Variants in OLFM3 observed in about 807,000 individuals in gnomAD.
The protein encoded by OLFM3 is noelin-3.
A neutral mutation model predicts 48.6 loss-of-function variants in OLFM3; 20 were observed. The ratio of observed to expected loss-of-function variants is 0.41; its 90% confidence interval spans 0.29 to 0.60. The LOEUF (loss-of-function observed/expected upper bound fraction) is 0.60. OLFM3 is among the 20% of genes least tolerant of loss of function. The probability of loss-of-function intolerance (pLI) is 0.28; values close to 1 mark genes in which losing one functional copy is unlikely to be tolerated. For missense variants in OLFM3, 437 were observed against 544.3 expected, an observed-to-expected ratio of 0.80 and a Z score of 1.96; for synonymous variants, 222 against 198.1, an observed-to-expected ratio of 1.12 and a Z score of -1.01.
intron 1 of OLFM3, among the ~76,000 whole-genome samples, chr1:101,969,826 C>T (rs989300990): frequency 2.0e-5 from 3 of 151,842 alleles, no homozygotes; most frequent in African/African-American, 7.3e-5. Context: ...ATAAGTGAGT[C>T]GGCACTATGA....
chr1:101,825,087 C>T lies in OLFM3; in HGVS notation c.531G>A (p.Glu177=), dbSNP rs1364852960. Residue 177 remains glutamate (E), a synonymous_variant, in exon 4 of 6, where the codon GAG becomes GAA. Coordinates refer to ENST00000370103, the MANE Select transcript of OLFM3 (RefSeq NM_058170.4). ...AGCTCAGCACTCTTTGGTGTAGTTC[C>T]TCGTAGTCATAGGCACCAATTTCCT... is the stretch of plus-strand genomic sequence containing the variant. ...IQEEIGAYDY[E]ELHQRVLSLE... 39 of 1,613,802 alleles carry T rather than the reference C, an allele frequency of 2.4e-5. No homozygotes were observed. Among genetic ancestry groups the T allele is most frequent in the Non-Finnish European group, 3.2e-5 (38 of 1,179,954 alleles).
intron 1 of OLFM3, among the ~76,000 whole-genome samples, chr1:101,960,117 G>A (rs1334346792): frequency 6.6e-6 from 1 of 152,094 alleles, no homozygotes; most frequent in Non-Finnish European, 1.5e-5. Context: ...CGGGGCTGGG[G>A]CAAAACCTAT....
At chr1:101,938,114 A>G (rs901702200) in intron 1 of OLFM3, among the ~76,000 whole-genome samples, 5 of 152,212 alleles carry the variant, frequency 3.3e-5, no homozygotes, top group African/African-American at 1.2e-4. Context: ...ATTGTAACTT[A>G]TTAACAAATT....
chr1:101,831,677 G>C (rs1025773617), intron 2 of OLFM3, among the ~76,000 whole-genome samples: 1 of 152,156 alleles, frequency 6.6e-6, no homozygotes, highest in African/African-American at 2.4e-5. Context: ...TATGCTGTTA[G>C]TACTCAAAGC....
intron 1 of OLFM3, among the ~76,000 whole-genome samples, chr1:101,856,268 C>T (rs890702899): frequency 3.3e-5 from 5 of 151,898 alleles, no homozygotes; most frequent in African/African-American, 9.7e-5. Context: ...CTGAAAGCAT[C>T]CTAAGAGTTA....
At position 101,830,627 on chromosome 1, in the gene OLFM3, T is replaced by C. The variant is rs963813885; in HGVS notation, c.372+45A>G. On this transcript the variant is annotated intron_variant, in intron 3 of 5. Coordinates refer to ENST00000370103, the MANE Select transcript of OLFM3 (RefSeq NM_058170.4). ...AGTGCCCCACTGCTGTCCATCCCAC[T>C]CCATGTCTGATTTGGATTGACAAGA... is the stretch of plus-strand genomic sequence containing the variant. The C allele has an allele frequency of 4.3e-6, 7 of 1,609,450 alleles. No individual in the cohort carries two copies. In the African/African-American group the frequency reaches 9.4e-5, roughly 22 times the overall value.
chr1:101,840,383 AG>A (rs895958559), intron 1 of OLFM3, among the ~76,000 whole-genome samples: 65 of 152,272 alleles, frequency 4.3e-4, no homozygotes, highest in African/African-American at 1.5e-3. Context: ...AAAGTCATGC[AG>A]GGAGTATCAG....
At chr1:101,961,363 G>A (rs1429979049) in intron 1 of OLFM3, among the ~76,000 whole-genome samples, 1 of 151,932 alleles carries the variant, frequency 6.6e-6, no homozygotes, top group Non-Finnish European at 1.5e-5. Flanking sequence ...AATAGATACT[G>A]TATTTAGTAA....
chr1:101,863,360 C>G (rs1656729609), intron 1 of OLFM3, among the ~76,000 whole-genome samples: 1 of 152,246 alleles, frequency 6.6e-6, no homozygotes, highest in Non-Finnish European at 1.5e-5. Context: ...GTTCTGCTTT[C>G]TGCTGCACCA....
chr1:101,887,809 G>T (rs1416930639), intron 1 of OLFM3, among the ~76,000 whole-genome samples: 3 of 151,456 alleles, frequency 2.0e-5, no homozygotes, highest in African/African-American at 7.3e-5. Flanking sequence ...AAATCCCACA[G>T]CTGAGCACAT....
rs182159907 is a variant in OLFM3, at chr1:101,932,750, G to A, written c.69+63998C>T. Among the ~76,000 whole-genome samples, 436 of 152,280 alleles carry A rather than the reference G, an allele frequency of 2.9e-3. 1 individual carries two copies. The highest frequency in any genetic ancestry group is 9.4e-3 in the African/African-American group (391 of 41,556). The stretch of plus-strand genomic sequence containing the variant: ...AACTCTGGTAACTCAAAAATCCAGC[G>A]TGTCTTGTTATCTCCAAATGACCAC... On this transcript the variant is annotated intron_variant, in intron 1 of 5. Coordinates refer to ENST00000370103, the MANE Select transcript of OLFM3 (RefSeq NM_058170.4).
chr1:101,828,242 T>A (rs1298508874), intron 3 of OLFM3, among the ~76,000 whole-genome samples: 1 of 152,192 alleles, frequency 6.6e-6, no homozygotes. Context: ...AATAGACCAA[T>A]ACACTCTTTG....
chr1:101,865,323 G>A (rs796279561), intron 1 of OLFM3, among the ~76,000 whole-genome samples: 16 of 152,242 alleles, frequency 1.1e-4, no homozygotes, highest in African/African-American at 3.1e-4. Flanking sequence ...TTTTGATCCT[G>A]CGGGCTTACT....
Position 101,937,001 on chromosome 1 carries a change from T to C in OLFM3, c.69+59747A>G, listed in dbSNP as rs567821542. 1.7e-4 allele frequency among the ~76,000 whole-genome samples: 26 copies of C among 152,160 alleles called. No individual in the cohort carries two copies. The East Asian group carries it at 4.4e-3, about 26-fold the overall frequency. ...AAGACATAAATGTAAAACTTAAAAG[T>C]ATAAAAATTCTGGAAGTTAACCTGG... On this transcript the variant is annotated intron_variant, in intron 1 of 5. Transcript: ENST00000370103.
At chr1:101,882,310 T>C (rs532119403) in intron 1 of OLFM3, among the ~76,000 whole-genome samples, 3 of 141,720 alleles carry the variant, frequency 2.1e-5, no homozygotes, top group African/African-American at 7.9e-5. Flanking sequence ...ACCCTTAATA[T>C]AAGTGCATAT....
chr1:101,838,065 G>A (rs183086661), intron 1 of OLFM3, among the ~76,000 whole-genome samples: 85 of 152,118 alleles, frequency 5.6e-4, no homozygotes, highest in African/African-American at 1.9e-3. Flanking sequence ...GAGTGCAGGG[G>A]TGAGATCACA....
At chr1:101,858,608 T>A (rs192899345) in intron 1 of OLFM3, among the ~76,000 whole-genome samples, 1 of 152,108 alleles carries the variant, frequency 6.6e-6, no homozygotes, top group African/African-American at 2.4e-5. Context: ...GGTGATTGAA[T>A]CATGAGGTGA....
intron 1 of OLFM3, among the ~76,000 whole-genome samples, chr1:101,976,047 T>A (rs1660944304): frequency 6.6e-6 from 1 of 152,180 alleles, no homozygotes; most frequent in African/African-American, 2.4e-5. Flanking sequence ...GCTCTTTGAA[T>A]AATTAATAAG....
intron 1 of OLFM3, chr1:101,847,101 A>T (rs1656035118): frequency 4.4e-6 from 6 of 1,354,012 alleles, no homozygotes; most frequent in Non-Finnish European, 5.7e-6. Flanking sequence ...AGCTCTAATC[A>T]CCCAGGAAAG....
Sources: allele counts gnomAD v4.1 joint callset (sites outside exome capture counted in the v4.1 genomes callset), GRCh38; gene constraint gnomAD v4.1.1; transcripts MANE v1.5; gene names NCBI Gene and HGNC (gene_info 2026-07-23, HGNC 2026-07-21).